TLE3: variants seen among roughly 807,000 people sequenced by gnomAD.
The protein encoded by TLE3 is transducin-like enhancer protein 3.
In TLE3, 14 loss-of-function variants were observed where a neutral mutation model predicts 93.0. The ratio of observed to expected loss-of-function variants is 0.15; its 90% CI spans 0.10 to 0.24. The LOEUF (loss-of-function observed/expected upper bound fraction) is 0.24, where lower values mean the gene tolerates loss of function less well. Among genes scored for constraint, TLE3 ranks in the 10% least tolerant of loss-of-function variants. The pLI is 1.00. For missense variants in TLE3, 693 were observed against 1,046.6 expected (o/e 0.66, Z 4.66); for synonymous variants, 451 against 425.0 (o/e 1.06, Z -0.75).
intron 4 of TLE3, among the ~76,000 whole-genome samples, chr15:70,076,507 C>G (rs1392698210): frequency 6.6e-6 from 1 of 152,180 alleles, no homozygotes; most frequent in Non-Finnish European, 1.5e-5. Context: ...GCAAAACCCA[C>G]TGTAAGAGTG....
intron 14 of TLE3, chr15:70,055,920 A>G (rs1427393894): frequency 8.3e-6 from 3 of 360,676 alleles, no homozygotes; most frequent in African/African-American, 6.3e-5. Context: ...CACTGCTGAC[A>G]GGGAAGGGCC....
At position 70,058,300 on chromosome 15, in the gene TLE3, G is replaced by A; in HGVS notation, c.919-9C>T. On this transcript the variant is annotated splice_polypyrimidine_tract_variant and intron_variant, in intron 11 of 19. Transcript: ENST00000451782. This position sits in a 1 kb window ranked among gnomAD's most constrained non-coding sequence, Gnocchi z 4.1. ...GTGGAGGATTTGTCGTTCTGAAGAG[G>A]GGAGATGCAGAACAAGGGAGGCCAT... The A allele has an allele frequency of 1.3e-6, 2 of 1,596,200 alleles. No individual in the cohort carries two copies. The highest frequency in any genetic ancestry group is 1.7e-6 in the Non-Finnish European group (2 of 1,170,474).
At chr15:70,062,003 G>A (rs926732654) in intron 8 of TLE3, among the ~76,000 whole-genome samples, 4 of 152,212 alleles carry the variant, frequency 2.6e-5, no homozygotes, top group African/African-American at 9.7e-5. Flanking sequence ...AGGGGCAAGG[G>A]CCACTTGGAG....
Position 70,070,823 on chromosome 15 carries a change from C to A in TLE3, c.372+3710G>T, listed in dbSNP as rs150746283. 2.2e-3 allele frequency among the ~76,000 whole-genome samples: 342 copies of A among 152,302 alleles called. 1 individual carries two copies. The highest frequency in any genetic ancestry group is 4.6e-3 in the African/African-American group (192 of 41,566). On this transcript the variant is annotated intron_variant, in intron 6 of 19. Coordinates refer to ENST00000451782, the MANE Select transcript of TLE3 (RefSeq NM_001105192.3). ...TTCCCCTCACACAAAATTCAGTCAA[C>A]TGAATGCAGCTCATCCACATCCTGG... is the stretch of plus-strand genomic sequence containing the variant.
chr15:70,084,517 T>C (rs2057949934), intron 4 of TLE3, among the ~76,000 whole-genome samples: 1 of 152,238 alleles, frequency 6.6e-6, no homozygotes. Context: ...CTGGAACTGA[T>C]GCCTGTAGTA....
chr15:70,094,706 A>C (rs2142086989), intron 3 of TLE3, 130 bp from the exon 4 acceptor site: 1 of 709,128 alleles, frequency 1.4e-6, no homozygotes, highest in South Asian at 1.9e-5. Flanking sequence ...AGTTTAAATC[A>C]AACCCCAAAG....
At chr15:70,081,512 T>C (rs1404360156) in intron 4 of TLE3, among the ~76,000 whole-genome samples, 1 of 152,206 alleles carries the variant, frequency 6.6e-6, no homozygotes, top group Non-Finnish European at 1.5e-5. Flanking sequence ...AACAATGATA[T>C]CATACTTCTA....
At chr15:70,055,506 A>T in intron 14 of TLE3, 1 of 543,814 alleles carries the variant, frequency 1.8e-6, no homozygotes. Flanking sequence ...TGATTTTTAC[A>T]CCCAGTTATA....
At chr15:70,077,951 G>A (rs548001177) in intron 4 of TLE3, among the ~76,000 whole-genome samples, 1 of 152,300 alleles carries the variant, frequency 6.6e-6, no homozygotes, top group South Asian at 2.1e-4. Flanking sequence ...GGGCACTCTA[G>A]CCAGGACACC....
intron 6 of TLE3, among the ~76,000 whole-genome samples, chr15:70,067,302 C>T (rs934621617): frequency 1.2e-4 from 19 of 152,338 alleles, no homozygotes; most frequent in Admixed American, 4.6e-4. Flanking sequence ...ATGCACACAT[C>T]TTTCTTCTCA....
chr15:70,061,100 C>T (rs1226462668), intron 8 of TLE3, among the ~76,000 whole-genome samples: 1 of 152,118 alleles, frequency 6.6e-6, no homozygotes, highest in African/African-American at 2.4e-5. Context: ...AGCAATACTT[C>T]ATTTGCTGAG....
At chr15:70,089,323 G>A (rs1222463488) in intron 4 of TLE3, among the ~76,000 whole-genome samples, 3 of 152,076 alleles carry the variant, frequency 2.0e-5, no homozygotes, top group Non-Finnish European at 4.4e-5. Flanking sequence ...TTAGACATCC[G>A]ACTCCCCCGC....
At chr15:70,059,535 C>T in intron 9 of TLE3, 75 bp from the exon 10 acceptor site, 2 of 1,462,648 alleles carry the variant, frequency 1.4e-6, no homozygotes, top group Non-Finnish European at 1.9e-6. Flanking sequence ...CCAAACCACC[C>T]TGTCCTTCTA....
At chr15:70,069,300 G>T (rs1025014572) in intron 6 of TLE3, among the ~76,000 whole-genome samples, 3 of 152,234 alleles carry the variant, frequency 2.0e-5, no homozygotes, top group Non-Finnish European at 4.4e-5. Flanking sequence ...GACGCAGCTA[G>T]AACAGTTAGT....
At chr15:70,096,538 G>C (rs1433167214) in intron 1 of TLE3, 1 of 1,367,722 alleles carries the variant, frequency 7.3e-7, no homozygotes, top group African/African-American at 1.4e-5. Flanking sequence ...TTCAGAGCGG[G>C]GCCGGGGACC....
intron 7 of TLE3, 21 bp from the exon 8 acceptor site, chr15:70,064,491 G>A: frequency 6.2e-7 from 1 of 1,613,900 alleles, no homozygotes; most frequent in East Asian, 2.2e-5. Context: ...AGAAGGCCAG[G>A]ACAGGAGGAA....
At chr15:70,060,345 G>A (rs1422597103) in intron 9 of TLE3, among the ~76,000 whole-genome samples, 185 bp downstream of exon 9, 7 of 152,114 alleles carry the variant, frequency 4.6e-5, no homozygotes, top group Non-Finnish European at 7.4e-5. Context: ...TGCTCATAGC[G>A]TGTGTGAACT....
intron 4 of TLE3, among the ~76,000 whole-genome samples, chr15:70,090,018 C>A (rs529180481): frequency 2.0e-5 from 3 of 152,192 alleles, no homozygotes; most frequent in Non-Finnish European, 2.9e-5. Context: ...CTCCCAGGGT[C>A]ATTTCAATGA....
intron 8 of TLE3, 61 bp downstream of exon 8, chr15:70,064,393 C>CG (rs2141615798): frequency 1.2e-6 from 2 of 1,604,976 alleles, no homozygotes; most frequent in Non-Finnish European, 1.7e-6. Context: ...CTGGGAGCCC[C>CG]GAGTCCCACC....
Sources: allele counts gnomAD v4.1 joint callset (sites outside exome capture counted in the v4.1 genomes callset), GRCh38; gene constraint gnomAD v4.1.1; non-coding constraint Gnocchi (gnomAD v3.1); transcripts MANE v1.5; gene names NCBI Gene and HGNC (gene_info 2026-07-23, HGNC 2026-07-21).